Variants in SKA1 observed in about 807,000 individuals in gnomAD.
The protein encoded by SKA1 is spindle and kinetochore associated complex subunit 1.
SKA1 carries 20 observed loss-of-function variants against 31.8 expected under a neutral mutation model. The observed-to-expected ratio is 0.63, with a 90% CI of 0.44 to 0.91. SKA1 has a LOEUF of 0.91. Among genes scored for constraint, SKA1 ranks in the 40% least tolerant of loss-of-function variants. The pLI is 0.00. For synonymous variants in SKA1, 88 were observed against 100.5 expected (o/e 0.88, Z 0.74); for missense variants, 253 against 298.2 (o/e 0.85, Z 1.12).
chr18:50,392,166 C>A lies in SKA1; in HGVS notation c.687C>A (p.His229Gln). 1 of 1,610,080 alleles carries A rather than the reference C, an allele frequency of 6.2e-7. No individual in the cohort carries two copies. Among genetic ancestry groups the A allele is most frequent in the Non-Finnish European group, 8.5e-7 (1 of 1,179,288 alleles). ...FTTLKADKKF[H>Q]VLLNILRHCR... ...CTTTGAAAGCTGACAAGAAGTTTCA[C>A]GTGTTACTGAATATTTTACGACACT... Residue 229 changes from histidine to glutamine, a missense_variant, in exon 7 of 7, where the codon CAC becomes CAA. Coordinates refer to ENST00000285116, the MANE Select transcript of SKA1 (RefSeq NM_145060.4).
Position 50,382,272 on chromosome 18 carries a change from A to T in SKA1, c.311+46A>T, listed in dbSNP as rs781365957. On this transcript the variant is annotated intron_variant, in intron 4 of 6. Coordinates refer to ENST00000285116, the MANE Select transcript of SKA1 (RefSeq NM_145060.4). ...TCTTGCTATCTGGATTTATAAACCC[A>T]TGAAAACAAGTTCTTCAAAGCCTTT... The T allele has an allele frequency of 5.8e-6, 7 of 1,213,858 alleles. No individual in the cohort carries two copies. In the East Asian group the frequency reaches 2.0e-4, roughly 34 times the overall value. The allele number at this position is 1,213,858 out of a possible 1,614,324, so 75.2% of individuals were successfully genotyped here. A position where few individuals can be genotyped will look rare whatever the true frequency, so the allele number is the denominator to read the frequency against.
At chr18:50,389,828 T>C (rs1053603521) in intron 5 of SKA1, among the ~76,000 whole-genome samples, 1 of 152,118 alleles carries the variant, frequency 6.6e-6, no homozygotes, top group Non-Finnish European at 1.5e-5. Flanking sequence ...TGAGGAACAG[T>C]GGAGTAGAGG....
At chr18:50,386,304 CT>C (rs1419069884) in intron 5 of SKA1, among the ~76,000 whole-genome samples, 2 of 151,840 alleles carry the variant, frequency 1.3e-5, no homozygotes, top group African/African-American at 4.8e-5. Flanking sequence ...TTTTTATTTC[CT>C]TGGGATAGTC....
In SKA1 at chr18:50,380,256, G is replaced by A. The variant is rs1413251719; in HGVS notation, c.213+6G>A. ...AAACCAACAATTCACTCAAGGTAATGTTTCTCTAATGAGGAAGCAGTAAAA... is the reference window on the plus strand; with the variant it reads ...AAACCAACAATTCACTCAAGGTAATATTTCTCTAATGAGGAAGCAGTAAAA... On this transcript the variant is annotated splice_donor_region_variant and intron_variant, in intron 3 of 6. Coordinates refer to ENST00000285116, the MANE Select transcript of SKA1 (RefSeq NM_145060.4). 1 of 1,540,726 alleles carries A rather than the reference G, an allele frequency of 6.5e-7. No homozygotes were observed. The highest frequency in any genetic ancestry group is 1.4e-5 in the African/African-American group (1 of 69,586).
intron 4 of SKA1, among the ~76,000 whole-genome samples, chr18:50,383,384 T>TA (rs1476919703): frequency 6.6e-6 from 1 of 152,192 alleles, no homozygotes; most frequent in Non-Finnish European, 1.5e-5. Flanking sequence ...TTTTTTAAAT[T>TA]ATAGATCTCT....
chr18:50,380,221 T>C lies in SKA1; in HGVS notation c.184T>C (p.Tyr62His), dbSNP rs1490977131. Residue 62 changes from tyrosine (Y) to histidine (H), a missense_variant, in exon 3 of 7, where the codon TAT (tyrosine) becomes CAT (histidine). Tyr to His is a moderately conservative substitution (Grantham distance 83, BLOSUM62 2). Transcript: ENST00000285116. Reference protein sequence around the residue: ...LLNKLELEIQYQEQTNNSLKE... With the variant: ...LLNKLELEIQHQEQTNNSLKE... ...AAATAAATTGGAATTGGAAATTCAG[T>C]ATCAAGAACAAACCAACAATTCACT... The C allele has an allele frequency of 1.9e-6, 3 of 1,547,272 alleles. No homozygotes were observed. The highest frequency in any genetic ancestry group is 3.4e-4 in the Middle Eastern group (2 of 5,910).
intron 5 of SKA1, among the ~76,000 whole-genome samples, chr18:50,389,629 T>C (rs952233632): frequency 1.3e-5 from 2 of 152,104 alleles, no homozygotes; most frequent in Non-Finnish European, 2.9e-5. Context: ...ACTCCTGACC[T>C]CAAGTGATCC....
chr18:50,392,077 G>A (rs777187920), intron 6 of SKA1, 22 bp from the exon 7 acceptor site: 5 of 1,533,538 alleles, frequency 3.3e-6, no homozygotes, highest in South Asian at 2.6e-5. Context: ...ATAAAAATTA[G>A]CACTAATATC....
In SKA1 at chr18:50,375,850, A is replaced by G; in HGVS notation, c.20A>G (p.Glu7Gly). Residue 7 changes from glutamate (E) to glycine (G), a missense_variant, in exon 2 of 7, where the codon GAA (glutamate) becomes GGA (glycine). Physicochemically the swap from Glu to Gly is moderately conservative, Grantham distance 98. Coordinates refer to ENST00000285116, the MANE Select transcript of SKA1 (RefSeq NM_145060.4). ...TAAAGGATGGCCTCGTCAGATCTGG[A>G]ACAATTATGCTCTCATGTTAATGAA... MASSDL[E>G]QLCSHVNEKI... 6.2e-7 allele frequency: 1 copy of G among 1,609,946 alleles called. No individual in the cohort carries two copies. Among genetic ancestry groups the G allele is most frequent in the Non-Finnish European group, 8.5e-7 (1 of 1,178,388 alleles).
intron 2 of SKA1, among the ~76,000 whole-genome samples, chr18:50,378,425 C>T (rs988768834): frequency 1.3e-5 from 2 of 152,156 alleles, no homozygotes; most frequent in Non-Finnish European, 2.9e-5. Flanking sequence ...ACCTGTAATC[C>T]CAGCACTTTG....
In SKA1 at chr18:50,392,091, AT is replaced by A; in HGVS notation, c.620-3del. The A allele has an allele frequency of 6.4e-7, 1 of 1,557,150 alleles. No homozygotes were observed. Among genetic ancestry groups the A allele is most frequent in the South Asian group, 1.2e-5 (1 of 81,718 alleles). ...TATAAAAATTAGCACTAATATCTTT[AT>A]TTTTAGGTCGTTATTTTATAGTGGA... On this transcript the variant is annotated splice_polypyrimidine_tract_variant and splice_region_variant and intron_variant, in intron 6 of 6. Coordinates refer to ENST00000285116, the MANE Select transcript of SKA1 (RefSeq NM_145060.4).
Position 50,382,902 on chromosome 18 carries a change from C to T in SKA1, c.311+676C>T, listed in dbSNP as rs139482405. Among the ~76,000 whole-genome samples, 1,007 of 152,266 alleles carry T rather than the reference C, an allele frequency of 6.6e-3. 16 individuals are homozygous for T. The highest frequency in any genetic ancestry group is 0.023 in the African/African-American group (971 of 41,540). On this transcript the variant is annotated intron_variant, in intron 4 of 6. Coordinates refer to ENST00000285116, the MANE Select transcript of SKA1 (RefSeq NM_145060.4). ...ACAAAAAATTAGCCAGACACAGTGG[C>T]ACACCCCTGTAGTCCCAGCTACTCA...
At position 50,393,080 on chromosome 18, in the gene SKA1, G is replaced by A. The variant is rs1169614934; in HGVS notation, c.*833G>A. 1 of 152,210 alleles carries A rather than the reference G, an allele frequency of 6.6e-6. No individual in the cohort carries two copies. Among genetic ancestry groups the A allele is most frequent in the Non-Finnish European group, 1.5e-5 (1 of 68,086 alleles). 9.4% of individuals were successfully genotyped at this position (152,210 alleles called of 1,614,324 possible). On this transcript the variant is annotated 3_prime_UTR_variant, in exon 7 of 7. Coordinates refer to ENST00000285116, the MANE Select transcript of SKA1 (RefSeq NM_145060.4). ...CCTCTCACCAAATATTTAACTACCT[G>A]CTGAATACGCCTCTGTACTAGGCAC...
intron 2 of SKA1, among the ~76,000 whole-genome samples, chr18:50,377,582 A>C (rs1193024549): frequency 6.6e-6 from 1 of 152,236 alleles, no homozygotes; most frequent in Non-Finnish European, 1.5e-5. Flanking sequence ...ATGCAATGAA[A>C]GTTCAGAGAA....
rs2041376140 is a variant in SKA1, at chr18:50,393,379, G to T, written c.*1132G>T. 6.6e-6 allele frequency: 1 copy of T among 152,194 alleles called. No homozygotes were observed. The highest frequency in any genetic ancestry group is 2.1e-4 in the South Asian group (1 of 4,830). The allele number at this position is 152,194 out of a possible 1,614,324, so 9.4% of individuals were successfully genotyped here. On this transcript the variant is annotated 3_prime_UTR_variant, in exon 7 of 7. Transcript: ENST00000285116. The stretch of plus-strand genomic sequence containing the variant: ...AAAAAGATCAAGCTGATGAGGTTAG[G>T]ATACCCAGGCCCTTTGGACTTAAAG...
chr18:50,390,343 A>G (rs569924041), intron 5 of SKA1, among the ~76,000 whole-genome samples: 5 of 152,340 alleles, frequency 3.3e-5, no homozygotes, highest in South Asian at 2.1e-4. Flanking sequence ...TGAACTTACA[A>G]TTTGTTGAAG....
rs2041353703 is a variant in SKA1, at chr18:50,391,183, A to C, written c.509A>C (p.Lys170Thr). The C allele has an allele frequency of 6.3e-7, 1 of 1,597,792 alleles. No homozygotes were observed. Among genetic ancestry groups the C allele is most frequent in the Non-Finnish European group, 8.5e-7 (1 of 1,172,848 alleles). ...QINDVIKEIN[K>T]AVISKYKILH... ...AATGATGTTATTAAAGAAATCAACA[A>C]GGCAGTAATTAGTAAATATAAAATC... The change falls in exon 6 of 7, where the codon AAG (lysine) becomes ACG (threonine). Residue 170 changes from lysine to threonine, a missense_variant. Transcript: ENST00000285116.
Position 50,391,257 on chromosome 18 carries a change from C to T in SKA1, c.583C>T (p.His195Tyr), listed in dbSNP as rs765582855. The change falls in exon 6 of 7, where the codon CAC becomes TAC. Residue 195 changes from histidine to tyrosine, a missense_variant. His to Tyr is a moderately conservative substitution (Grantham distance 83). Coordinates refer to ENST00000285116, the MANE Select transcript of SKA1 (RefSeq NM_145060.4). ...SMNSVTRNLY[H>Y]RFIDEETKDT... ...GAATTCTGTGACCAGAAATCTCTAT[C>T]ACAGATTTATTGATGAAGAAACGAA... 1.2e-6 allele frequency: 2 copies of T among 1,601,576 alleles called. No individual in the cohort carries two copies. Among genetic ancestry groups the T allele is most frequent in the Admixed American group, 1.8e-5 (1 of 56,470 alleles).
intron 6 of SKA1, 146 bp downstream of exon 6, chr18:50,391,439 A>G: frequency 1.2e-6 from 1 of 849,316 alleles, no homozygotes; most frequent in Non-Finnish European, 1.7e-6. Context: ...ACATTTTACC[A>G]TGTCTGGAGA....
Sources: gnomAD v4.1 joint callset for allele counts (sites outside exome capture counted in the v4.1 genomes callset) on GRCh38, gnomAD v4.1.1 for gene constraint, MANE v1.5 for transcripts, NCBI Gene and HGNC (gene_info 2026-07-23, HGNC 2026-07-21) for gene names.